BMP7: variants seen among roughly 807,000 people sequenced by gnomAD.
BMP7 encodes osteogenic protein 1.
Under a neutral mutation model 41.2 loss-of-function variants are expected in BMP7, and 12 were observed. That is an observed-to-expected ratio of 0.29 (90% CI 0.19 to 0.47). BMP7 has a LOEUF of 0.47. BMP7 is among the 20% of genes least tolerant of loss of function. The pLI, the probability that BMP7 is intolerant of heterozygous loss-of-function variation, is 0.99. For missense variants in BMP7, 467 were observed against 606.0 expected, an observed-to-expected ratio of 0.77 and a Z score of 2.41; for synonymous variants, 248 against 250.0, an observed-to-expected ratio of 0.99 and a Z score of 0.07.
intron 1 of BMP7, among the ~76,000 whole-genome samples, chr20:57,258,479 C>T (rs2066142259): frequency 6.6e-6 from 1 of 152,222 alleles, no homozygotes; most frequent in South Asian, 2.1e-4. Flanking sequence ...GTACTTTGAC[C>T]ATCTTCCAGA....
rs1462399873 is a variant in BMP7 at position 57,266,424 on chromosome 20, G to A, written c.-302C>T. The stretch of plus-strand genomic sequence containing the variant: ...CGGGCGCGGGTGGGAGGAGCAGCCA[G>A]CAAGCCTAGGAGTCCAGAGAGCCAA... On this transcript the variant is annotated 5_prime_UTR_variant, in exon 1 of 7. Coordinates refer to ENST00000395863, the MANE Select transcript of BMP7 (RefSeq NM_001719.3). The A allele has an allele frequency of 4.9e-6, 1 of 203,526 alleles. No individual in the cohort carries two copies. Among genetic ancestry groups the A allele is most frequent in the Non-Finnish European group, 9.7e-6 (1 of 102,976 alleles). The allele number at this position is 203,526 out of a possible 1,614,324, so 12.6% of individuals were successfully genotyped here.
intron 1 of BMP7, among the ~76,000 whole-genome samples, chr20:57,232,985 A>C (rs1035749507): frequency 1.3e-5 from 2 of 150,394 alleles, no homozygotes; most frequent in Admixed American, 6.6e-5. Context: ...GCCACTCCAC[A>C]GTGTGAAATC....
chr20:57,240,160 A>G (rs146730428), intron 1 of BMP7, among the ~76,000 whole-genome samples: 1,550 of 152,312 alleles, frequency 0.01, 24 homozygotes, highest in African/African-American at 0.035. Context: ...TTAAAAGTGA[A>G]TGCCTTTAAC....
At position 57,197,194 on chromosome 20, in the gene BMP7, C is replaced by A. The variant is rs367876281; in HGVS notation, c.760+5281G>T. Reference sequence around the variant, plus strand: ...GGATTATAGGCATGAGCCACCGCACCCGGCCCTAATTTTTTTTTTTTTTGT... The same window carrying A: ...GGATTATAGGCATGAGCCACCGCACACGGCCCTAATTTTTTTTTTTTTTGT... On this transcript the variant is annotated intron_variant, in intron 3 of 6. Coordinates refer to ENST00000395863, the MANE Select transcript of BMP7 (RefSeq NM_001719.3). Among the ~76,000 whole-genome samples, 53 of 152,050 alleles carry A rather than the reference C, an allele frequency of 3.5e-4. No homozygotes were observed. In the South Asian group the frequency reaches 8.9e-3, roughly 26 times the overall value.
chr20:57,246,527 G>A (rs1280653516), intron 1 of BMP7, among the ~76,000 whole-genome samples: 2 of 152,234 alleles, frequency 1.3e-5, no homozygotes, highest in African/African-American at 4.8e-5. Flanking sequence ...TCAAGTGTAA[G>A]AGGGAAGTCT....
intron 1 of BMP7, among the ~76,000 whole-genome samples, chr20:57,245,722 T>A (rs1286007317): frequency 1.4e-5 from 2 of 145,728 alleles, no homozygotes; most frequent in African/African-American, 5.2e-5. Context: ...CACTGCAACC[T>A]CCGCCTCCTG....
intron 2 of BMP7, among the ~76,000 whole-genome samples, 159 bp from the exon 3 acceptor site, chr20:57,202,782 A>AC (rs1984653716): frequency 6.6e-6 from 1 of 152,034 alleles, no homozygotes; most frequent in African/African-American, 2.4e-5. Flanking sequence ...AGGCACAAAG[A>AC]CCCCTCAGTA....
chr20:57,225,044 G>A (rs1380144403), intron 2 of BMP7, among the ~76,000 whole-genome samples: 2 of 152,214 alleles, frequency 1.3e-5, no homozygotes, highest in East Asian at 3.9e-4. Flanking sequence ...GCCCTGCACA[G>A]CTGGGCAGCT....
rs1397474226 is a variant in BMP7, at chr20:57,254,179, C to A, written c.418+11526G>T. ...CTGGGACTAAAGGTGTGTACCACCACACCCCACTAATTTTTGTATTTTTAG... is the reference window on the plus strand; with the variant it reads ...CTGGGACTAAAGGTGTGTACCACCAAACCCCACTAATTTTTGTATTTTTAG... On this transcript the variant is annotated intron_variant, in intron 1 of 6. Transcript: ENST00000395863. Among the ~76,000 whole-genome samples the A allele has an allele frequency of 1.3e-5, 2 of 151,876 alleles. 1 individual carries two copies.
chr20:57,260,019 C>T (rs1284852165), intron 1 of BMP7, among the ~76,000 whole-genome samples: 3 of 152,148 alleles, frequency 2.0e-5, no homozygotes, highest in South Asian at 2.1e-4. Flanking sequence ...CACTAATAGC[C>T]GCGGTCGTAC....
In BMP7 at chr20:57,215,596, GAACTCTGGGGGGTCCCCCCAGAA is replaced by G. The variant is rs982250440; in HGVS notation, c.611+12610_611+12632del. The stretch of plus-strand genomic sequence containing the variant: ...ACCAAGAACTCTGGTGAAACATCAA[GAACTCTGGGGGGTCCCCCCAGAA>G]AAATCTGGGGGGCACTGCAGAGCTT... On this transcript the variant is annotated intron_variant, in intron 2 of 6. Transcript: ENST00000395863. This position sits in a 1 kb window ranked among gnomAD's most constrained non-coding sequence, Gnocchi z 4.2. 3.3e-5 allele frequency: 5 copies of G among 152,234 alleles called. No homozygotes were observed. The highest frequency in any genetic ancestry group is 1.2e-4 in the African/African-American group (5 of 41,540). The allele number at this position is 152,234 out of a possible 1,614,324, so 9.4% of individuals were successfully genotyped here.
chr20:57,235,837 G>T (rs147270614), intron 1 of BMP7, among the ~76,000 whole-genome samples: 5 of 152,318 alleles, frequency 3.3e-5, no homozygotes, highest in African/African-American at 1.2e-4. Context: ...TTGGTCCCTT[G>T]TTAGACACAA....
At chr20:57,219,552 G>A (rs1008786612) in intron 2 of BMP7, among the ~76,000 whole-genome samples, 11 of 152,136 alleles carry the variant, frequency 7.2e-5, no homozygotes, top group Non-Finnish European at 1.2e-4. Context: ...GGCTGCTACC[G>A]AATGCCCTAC....
intron 2 of BMP7, among the ~76,000 whole-genome samples, chr20:57,222,175 G>A (rs934723837): frequency 2.6e-4 from 39 of 152,194 alleles, no homozygotes; most frequent in Admixed American, 9.8e-4. Flanking sequence ...CTGAGCCCCC[G>A]CCCGCCGCAA....
At chr20:57,226,620 C>T (rs2066007484) in intron 2 of BMP7, among the ~76,000 whole-genome samples, 1 of 152,146 alleles carries the variant, frequency 6.6e-6, no homozygotes, top group Non-Finnish European at 1.5e-5. Context: ...CATCATCCAA[C>T]GATGAAAGCC....
rs111899530 is a variant in BMP7, at chr20:57,226,768, G to A, written c.611+1461C>T. 6.4e-3 allele frequency among the ~76,000 whole-genome samples: 962 copies of A among 151,468 alleles called. 15 individuals carry two copies. Among genetic ancestry groups the A allele is most frequent in the African/African-American group, 0.022 (903 of 41,202 alleles). On this transcript the variant is annotated intron_variant, in intron 2 of 6. Transcript: ENST00000395863. The stretch of plus-strand genomic sequence containing the variant: ...GCTGGAAGCCTTCATTTTCACTGTG[G>A]TTCCTCTTCTTTCCTTTTGATTTTA...
intron 3 of BMP7, among the ~76,000 whole-genome samples, chr20:57,192,077 T>C (rs1160964970): frequency 5.6e-5 from 7 of 124,650 alleles, no homozygotes; most frequent in African/African-American, 9.7e-5. Context: ...TATCTAAATT[T>C]ATATATTTAT....
At chr20:57,226,882 G>T (rs1345605562) in intron 2 of BMP7, among the ~76,000 whole-genome samples, 1 of 147,690 alleles carries the variant, frequency 6.8e-6, no homozygotes, top group Non-Finnish European at 1.5e-5. Context: ...GCTGGAGTGC[G>T]GTGGCACCAT....
rs533819466 is a variant in BMP7 at position 57,208,892 on chromosome 20, C to T, written c.612-6269G>A. ...TCCCAAATAGGCAAATCCATAAAGACAGAAAGTAGGGCCAGGTGTGGTGGC... is the reference window on the plus strand; with the variant it reads ...TCCCAAATAGGCAAATCCATAAAGATAGAAAGTAGGGCCAGGTGTGGTGGC... On this transcript the variant is annotated intron_variant, in intron 2 of 6. Coordinates refer to ENST00000395863, the MANE Select transcript of BMP7 (RefSeq NM_001719.3). Among the ~76,000 whole-genome samples the T allele has an allele frequency of 6.6e-5, 10 of 152,210 alleles. 1 individual carries two copies. The East Asian group carries it at 1.9e-3, about 29-fold the overall frequency.
Sources: gnomAD v4.1 joint callset for allele counts (sites outside exome capture counted in the v4.1 genomes callset) on GRCh38, gnomAD v4.1.1 for gene constraint, Gnocchi (gnomAD v3.1) non-coding constraint, MANE v1.5 for transcripts, NCBI Gene and HGNC (gene_info 2026-07-23, HGNC 2026-07-21) for gene names.